KIF6: variants seen among roughly 807,000 people sequenced by gnomAD.
KIF6 encodes kinesin-like protein KIF6.
KIF6 carries 106 observed loss-of-function variants against 112.7 expected under a neutral mutation model. The observed-to-expected ratio is 0.94, with a 90% CI of 0.80 to 1.11. The LOEUF (loss-of-function observed/expected upper bound fraction) is 1.11. KIF6 is among the 50% of genes least tolerant of loss of function. The pLI is 0.00. For missense variants in KIF6, 929 were observed against 964.0 expected (o/e 0.96, Z 0.48); for synonymous variants, 339 against 339.9 (o/e 1.00, Z 0.03).
rs552367399 is a variant in KIF6, at chr6:39,364,608, G to A, written c.1862-2090C>T. Among the ~76,000 whole-genome samples the A allele has an allele frequency of 2.6e-5, 4 of 152,238 alleles. No homozygotes were observed. In the South Asian group the frequency reaches 6.2e-4, roughly 24 times the overall value. ...TTTAAGCTCTATATTTTTGTAGTAGGTGAATTACTAACAATGACCATTTAC... is the reference window on the plus strand; with the variant it reads ...TTTAAGCTCTATATTTTTGTAGTAGATGAATTACTAACAATGACCATTTAC... On this transcript the variant is annotated intron_variant, in intron 16 of 22. Transcript: ENST00000287152.
chr6:39,582,731 T>G (rs1326942742), intron 9 of KIF6, among the ~76,000 whole-genome samples: 1 of 152,166 alleles, frequency 6.6e-6, no homozygotes, highest in Non-Finnish European at 1.5e-5. Flanking sequence ...ACCAATACTT[T>G]TAAAGAAAGC....
In KIF6 at chr6:39,363,974, C is replaced by T. The variant is rs556285665; in HGVS notation, c.1862-1456G>A. 1.1e-3 allele frequency among the ~76,000 whole-genome samples: 160 copies of T among 152,308 alleles called. 2 individuals carry two copies. Among genetic ancestry groups the T allele is most frequent in the Middle Eastern group, 6.8e-3 (2 of 294 alleles). The stretch of plus-strand genomic sequence containing the variant: ...CTCCTACTTTTGAGCCAAGACATTT[C>T]CCGCTAACTTCTTTTCACCTCTACT... On this transcript the variant is annotated intron_variant, in intron 16 of 22. Transcript: ENST00000287152.
chr6:39,615,957 A>T (rs530747553), intron 5 of KIF6, among the ~76,000 whole-genome samples: 4 of 152,300 alleles, frequency 2.6e-5, no homozygotes, highest in Non-Finnish European at 4.4e-5. Flanking sequence ...CTCCCTAAAC[A>T]TCCATAGGGT....
chr6:39,573,015 C>A (rs1284815378), intron 10 of KIF6, among the ~76,000 whole-genome samples: 1 of 149,808 alleles, frequency 6.7e-6, no homozygotes, highest in Non-Finnish European at 1.5e-5. Flanking sequence ...AGATAAAATA[C>A]CGTATCTACT....
intron 3 of KIF6, among the ~76,000 whole-genome samples, chr6:39,706,249 T>A (rs909820993): frequency 2.7e-4 from 41 of 152,204 alleles, no homozygotes; most frequent in African/African-American, 9.4e-4. Flanking sequence ...TAGTATGCAA[T>A]TTCTTGATCA....
chr6:39,455,713 C>T lies in KIF6; in HGVS notation c.1646-24552G>A, dbSNP rs370786808. On this transcript the variant is annotated intron_variant, in intron 13 of 22. Coordinates refer to ENST00000287152, the MANE Select transcript of KIF6 (RefSeq NM_145027.6). ...GCTGAAAACCAAGGCTCGAGAACTA[C>T]GTGAAGAATGCAGAAGCCTCAGGAG... 5.0e-4 allele frequency among the ~76,000 whole-genome samples: 75 copies of T among 151,138 alleles called. No homozygotes were observed. The East Asian group carries it at 9.2e-3, about 19-fold the overall frequency.
At chr6:39,440,850 G>T (rs969613078) in intron 13 of KIF6, among the ~76,000 whole-genome samples, 4 of 152,156 alleles carry the variant, frequency 2.6e-5, no homozygotes, top group Non-Finnish European at 5.9e-5. Context: ...ATGTCTCCAG[G>T]GGCATAGAGA....
intron 14 of KIF6, 152 bp downstream of exon 14, chr6:39,430,901 G>T: frequency 1.8e-6 from 1 of 570,572 alleles, no homozygotes. Flanking sequence ...ATTGTACCAG[G>T]CTGGACATAA....
intron 1 of KIF6, among the ~76,000 whole-genome samples, chr6:39,723,566 A>T (rs1189084084): frequency 6.6e-6 from 1 of 152,220 alleles, no homozygotes; most frequent in African/African-American, 2.4e-5. Context: ...ATGCAGCCAT[A>T]AAAAAGGATG....
chr6:39,542,291 A>T (rs1778831252), intron 12 of KIF6, among the ~76,000 whole-genome samples: 1 of 151,658 alleles, frequency 6.6e-6, no homozygotes, highest in Non-Finnish European at 1.5e-5. Flanking sequence ...CCCTATTCCC[A>T]TTTATGGGAA....
At chr6:39,579,576 A>G (rs944268941) in intron 9 of KIF6, among the ~76,000 whole-genome samples, 4 of 152,126 alleles carry the variant, frequency 2.6e-5, no homozygotes, top group Non-Finnish European at 4.4e-5. Flanking sequence ...CAGAATTTCA[A>G]TATAATCTAA....
At chr6:39,533,409 C>G (rs1242231619) in intron 13 of KIF6, among the ~76,000 whole-genome samples, 5 of 152,196 alleles carry the variant, frequency 3.3e-5, no homozygotes, top group Non-Finnish European at 7.3e-5. Flanking sequence ...TCGCTGATTG[C>G]TAGCACAGCA....
In KIF6 at chr6:39,722,420, G is replaced by GT. The variant is rs757156911; in HGVS notation, c.67-1610dup. On this transcript the variant is annotated intron_variant, in intron 1 of 22. Coordinates refer to ENST00000287152, the MANE Select transcript of KIF6 (RefSeq NM_145027.6). ...TAAAAATATTATTTGAGATAGTGAA[G>GT]TTTTTTTTTTAAGAAGACAGAACAA... is the stretch of plus-strand genomic sequence containing the variant. Among the ~76,000 whole-genome samples, 415 of 148,958 alleles carry GT rather than the reference G, an allele frequency of 2.8e-3. 1 individual carries two copies. Among genetic ancestry groups the GT allele is most frequent in the Non-Finnish European group, 4.7e-3 (312 of 66,982 alleles).
At chr6:39,504,992 A>AAC in intron 13 of KIF6, among the ~76,000 whole-genome samples, 1 of 152,364 alleles carries the variant, frequency 6.6e-6, no homozygotes, top group African/African-American at 2.4e-5. Context: ...AGAATTAGAA[A>AAC]ACACTATTTT....
chr6:39,519,878 C>T (rs879491633), intron 13 of KIF6, among the ~76,000 whole-genome samples: 21 of 151,862 alleles, frequency 1.4e-4, no homozygotes, highest in East Asian at 1.9e-4. Context: ...AAAAATAAGC[C>T]GGGTGTGGTG....
chr6:39,626,514 G>C (rs1017524634), intron 5 of KIF6, among the ~76,000 whole-genome samples: 3 of 152,090 alleles, frequency 2.0e-5, no homozygotes, highest in African/African-American at 7.2e-5. Flanking sequence ...TGAAATCCTG[G>C]GGTAACAGCA....
At chr6:39,403,920 T>C (rs965263359) in intron 15 of KIF6, among the ~76,000 whole-genome samples, 1 of 152,244 alleles carries the variant, frequency 6.6e-6, no homozygotes, top group Non-Finnish European at 1.5e-5. Flanking sequence ...CATTTTTGCA[T>C]GCGTTCATTT....
chr6:39,370,814 T>A (rs1383828812), intron 16 of KIF6, among the ~76,000 whole-genome samples: 1 of 151,582 alleles, frequency 6.6e-6, no homozygotes, highest in East Asian at 1.9e-4. Context: ...CGGGGATCTG[T>A]GTGGGTGCTG....
chr6:39,345,772 T>C lies in KIF6; in HGVS notation c.2249A>G (p.Lys750Arg), dbSNP rs779180218. ...ACTGGGGCAAGGCGAGGGCAGGATT[T>C]TCCTGGCATTCACATCACTGCAAAA... ...RFDVCDVNARKILPSPCPSPH... is the reference protein window; with the variant it reads ...RFDVCDVNARRILPSPCPSPH... The change falls in exon 21 of 23, where the codon AAA (lysine) becomes AGA (arginine). Residue 750 changes from lysine to arginine, a missense_variant. This residue lies in a region of KIF6 where 241 missense variants were observed against 301.4 expected (regional missense o/e 0.80). Transcript: ENST00000287152. 4 of 1,613,902 alleles carry C rather than the reference T, an allele frequency of 2.5e-6. No homozygotes were observed. In the East Asian group the frequency reaches 8.9e-5, roughly 36 times the overall value.
Sources: gnomAD v4.1 joint callset for allele counts (sites outside exome capture counted in the v4.1 genomes callset) on GRCh38, gnomAD v4.1.1 for gene constraint, gnomAD v4.1.1 regional missense constraint, MANE v1.5 for transcripts, NCBI Gene and HGNC (gene_info 2026-07-23, HGNC 2026-07-21) for gene names.